The following TNS1 variants were observed in gnomAD, a reference collection of about 807,000 sequenced individuals.
TNS1 encodes the protein tensin 1, also known as tensin-1.
In TNS1, 62 loss-of-function variants were observed where a neutral mutation model predicts 168.6. The observed-to-expected ratio is 0.37, with a 90% CI of 0.30 to 0.45. The LOEUF is 0.45. Ranked by LOEUF, TNS1 falls within the 20% of genes least tolerant of loss-of-function variation. TNS1 has a pLI of 1.00. For missense variants in TNS1, 2,240 were observed against 2,339.4 expected, an observed-to-expected ratio of 0.96 and a Z score of 0.88; for synonymous variants, 934 against 933.2, an observed-to-expected ratio of 1.00 and a Z score of -0.02.
At position 217,995,369 on chromosome 2, in the gene TNS1, A is replaced by C. The variant is rs1467786910; in HGVS notation, c.34-4313T>G. The stretch of plus-strand genomic sequence containing the variant: ...CAGTTATTGTAAGTAGGCACCAGAC[A>C]TCATCTGAAGTTCAGAAGGCAAAAC... On this transcript the variant is annotated intron_variant, in intron 1 of 32. Coordinates refer to ENST00000682258, the MANE Select transcript of TNS1 (RefSeq NM_001387777.1). The surrounding 1 kb of genome is among the most constrained non-coding windows in gnomAD (Gnocchi z 4.1). Among the ~76,000 whole-genome samples, 3 of 152,190 alleles carry C rather than the reference A, an allele frequency of 2.0e-5. No individual in the cohort carries two copies. The highest frequency in any genetic ancestry group is 4.8e-5 in the African/African-American group (2 of 41,458).
At chr2:218,031,601 C>T (rs529208957) in intron 1 of TNS1, among the ~76,000 whole-genome samples, 3 of 152,046 alleles carry the variant, frequency 2.0e-5, no homozygotes, top group East Asian at 3.9e-4. Flanking sequence ...GCAAGAGCAC[C>T]CATAGGTTAC....
chr2:218,001,519 C>T (rs79212113), intron 1 of TNS1, among the ~76,000 whole-genome samples: 147 of 152,262 alleles, frequency 9.7e-4, no homozygotes, highest in Non-Finnish European at 1.7e-3. Context: ...ACCTGCCATC[C>T]TTCTTGCTGC....
At chr2:217,806,218 G>C (rs533242735) in intron 32 of TNS1, among the ~76,000 whole-genome samples, 1 of 152,222 alleles carries the variant, frequency 6.6e-6, no homozygotes, top group East Asian at 1.9e-4. Context: ...CCAGGCTCCC[G>C]CAATAGCCCA....
At chr2:217,826,422 C>T (rs1943625964) in intron 22 of TNS1, among the ~76,000 whole-genome samples, 1 of 152,192 alleles carries the variant, frequency 6.6e-6, no homozygotes, top group Non-Finnish European at 1.5e-5. Context: ...GCTCTCCCCT[C>T]ACCCACCACC....
chr2:217,931,495 A>G (rs1188950002), intron 3 of TNS1, among the ~76,000 whole-genome samples: 1 of 152,176 alleles, frequency 6.6e-6, no homozygotes, highest in African/African-American at 2.4e-5. Flanking sequence ...CAGGCCCAAA[A>G]TAGAGAATTC....
At chr2:217,835,439 A>C (rs993186456) in intron 20 of TNS1, among the ~76,000 whole-genome samples, 1 of 152,182 alleles carries the variant, frequency 6.6e-6, no homozygotes. Flanking sequence ...GACCACCTAC[A>C]TCTGAATCTT....
chr2:217,981,519 T>C (rs745334630), intron 2 of TNS1, among the ~76,000 whole-genome samples: 2 of 152,194 alleles, frequency 1.3e-5, no homozygotes, highest in Non-Finnish European at 2.9e-5. Context: ...AGAAAGCTTG[T>C]CCTTGGCAGC....
rs951371545 is a variant in TNS1 at position 217,890,762 on chromosome 2, G to A, written c.866+200C>T. The A allele has an allele frequency of 4.9e-6, 3 of 608,174 alleles. No homozygotes were observed. The African/African-American group carries it at 5.6e-5, about 11-fold the overall frequency. 37.7% of individuals were successfully genotyped at this position (608,174 alleles called of 1,614,324 possible). A position where few individuals can be genotyped will look rare whatever the true frequency, so the allele number is the denominator to read the frequency against. Reference sequence around the variant, plus strand: ...TCAGAGTCAAGTGCTGTGCCAATCTGCGGGCACACACCACAGGCTGGCTCC... The same window carrying A: ...TCAGAGTCAAGTGCTGTGCCAATCTACGGGCACACACCACAGGCTGGCTCC... On this transcript the variant is annotated intron_variant, in intron 12 of 32. Transcript: ENST00000682258.
intron 18 of TNS1, among the ~76,000 whole-genome samples, chr2:217,861,042 A>G (rs1948731106): frequency 6.6e-6 from 1 of 152,198 alleles, no homozygotes; most frequent in Non-Finnish European, 1.5e-5. Context: ...AATGCTCCCC[A>G]GCTGCAAATA....
rs563242438 is a variant in TNS1, at chr2:217,959,283, T to C, written c.186+19482A>G. ...GAAGAATTTATTGACACAACTCACA[T>C]AAAGCACTTAGGATGGAAACTGGTG... On this transcript the variant is annotated intron_variant, in intron 3 of 32. Transcript: ENST00000682258. Among the ~76,000 whole-genome samples the C allele has an allele frequency of 3.0e-4, 46 of 152,366 alleles. 1 individual carries two copies. The South Asian group carries it at 9.5e-3, about 32-fold the overall frequency.
Position 217,938,531 on chromosome 2 carries a change from G to A in TNS1, c.187-18295C>T, listed in dbSNP as rs75383220. Among the ~76,000 whole-genome samples the A allele has an allele frequency of 2.6e-3, 390 of 152,356 alleles. 1 individual carries two copies. Among genetic ancestry groups the A allele is most frequent in the African/African-American group, 9.0e-3 (376 of 41,596 alleles). On this transcript the variant is annotated intron_variant, in intron 3 of 32. Coordinates refer to ENST00000682258, the MANE Select transcript of TNS1 (RefSeq NM_001387777.1). ...CAAGAGGAATGCCAGTTAGATTTTG[G>A]GGGGACCTAGAGGGCATAAGACACA...
intron 1 of TNS1, among the ~76,000 whole-genome samples, chr2:218,027,475 G>A (rs1958860593): frequency 6.6e-6 from 1 of 152,032 alleles, no homozygotes; most frequent in South Asian, 2.1e-4. Flanking sequence ...CTCCCTCTGG[G>A]AAGGTGAACT....
chr2:217,951,303 A>C (rs1957234616), intron 3 of TNS1, among the ~76,000 whole-genome samples: 1 of 152,170 alleles, frequency 6.6e-6, no homozygotes, highest in South Asian at 2.1e-4. Context: ...AGAAGCCGTC[A>C]CCACCCCCAT....
intron 18 of TNS1, among the ~76,000 whole-genome samples, chr2:217,858,857 C>A (rs6725482): frequency 0.6 from 91,425 of 151,748 alleles, 28,627 homozygotes; most frequent in African/African-American, 0.77. Context: ...GCAGCTATGC[C>A]GTTCTTGAAT....
At chr2:217,814,825 G>T (rs1035589998) in intron 25 of TNS1, 87 bp downstream of exon 25, 3 of 1,137,588 alleles carry the variant, frequency 2.6e-6, no homozygotes, top group Non-Finnish European at 2.6e-6. Flanking sequence ...AAAGAGGACT[G>T]AATTTGCCTC....
At chr2:217,992,021 C>T (rs111236435) in intron 1 of TNS1, among the ~76,000 whole-genome samples, 106 of 152,290 alleles carry the variant, frequency 7.0e-4, no homozygotes, top group African/African-American at 2.2e-3. Flanking sequence ...TGGCACCACA[C>T]CCCTGGAGCT....
intron 22 of TNS1, 133 bp from the exon 23 acceptor site, chr2:217,822,071 G>T: frequency 2.0e-6 from 2 of 1,015,914 alleles, no homozygotes; most frequent in Non-Finnish European, 2.8e-6. Context: ...CCAAAGGACA[G>T]GCAGGGCTCC....
intron 28 of TNS1, among the ~76,000 whole-genome samples, chr2:217,811,447 G>A (rs945808467): frequency 2.6e-5 from 4 of 152,168 alleles, no homozygotes; most frequent in African/African-American, 7.2e-5. Context: ...TGGATAAGTA[G>A]AAATTGTCCA....
intron 22 of TNS1, 76 bp downstream of exon 22, chr2:217,831,379 C>T (rs767735306): frequency 3.0e-6 from 4 of 1,333,122 alleles, no homozygotes; most frequent in Non-Finnish European, 3.0e-6. Flanking sequence ...GATTCTGAGA[C>T]CCGGGTTTCT....
Sources: allele counts gnomAD v4.1 joint callset (sites outside exome capture counted in the v4.1 genomes callset), GRCh38; gene constraint gnomAD v4.1.1; non-coding constraint Gnocchi (gnomAD v3.1); transcripts MANE v1.5; gene names NCBI Gene and HGNC (gene_info 2026-07-23, HGNC 2026-07-21).